Variants in MACROD2 observed in about 807,000 individuals in gnomAD.
MACROD2 encodes the protein ADP-ribose glycohydrolase MACROD2.
Under a neutral mutation model 70.4 loss-of-function variants are expected in MACROD2, and 36 were observed. That is an observed-to-expected ratio of 0.51 (90% CI 0.39 to 0.68). The LOEUF (loss-of-function observed/expected upper bound fraction) is 0.68. MACROD2 is among the 30% of genes least tolerant of loss of function. The pLI is 0.00. For missense variants in MACROD2, 496 were observed against 538.4 expected, an observed-to-expected ratio of 0.92 and a Z score of 0.78; for synonymous variants, 172 against 178.8, an observed-to-expected ratio of 0.96 and a Z score of 0.30.
At position 14,962,102 on chromosome 20, in the gene MACROD2, C is replaced by T. The variant is rs59489751; in HGVS notation, c.419-267838C>T. On this transcript the variant is annotated intron_variant, in intron 5 of 17. Coordinates refer to ENST00000684519, the MANE Select transcript of MACROD2 (RefSeq NM_001351661.2). ...AAGCAATCCTCCCACGTTGGCCTCCCGAGTAGCCAGGACTACAGGCGTGTG... is the reference window on the plus strand; with the variant it reads ...AAGCAATCCTCCCACGTTGGCCTCCTGAGTAGCCAGGACTACAGGCGTGTG... 4.7e-3 allele frequency among the ~76,000 whole-genome samples: 719 copies of T among 152,230 alleles called. 7 individuals carry two copies. Among genetic ancestry groups the T allele is most frequent in the African/African-American group, 0.016 (682 of 41,518 alleles).
intron 5 of MACROD2, among the ~76,000 whole-genome samples, chr20:14,965,827 G>A (rs2074631689): frequency 6.6e-6 from 1 of 152,004 alleles, no homozygotes; most frequent in Non-Finnish European, 1.5e-5. Context: ...GTATAAAACA[G>A]TGCATTTTAA....
Position 14,898,458 on chromosome 20 carries a change from G to A in MACROD2, c.418+213499G>A, listed in dbSNP as rs143108228. On this transcript the variant is annotated intron_variant, in intron 5 of 17. Transcript: ENST00000684519. ...AACATTTGGAAATAGGCCAGGTGCC[G>A]TGGCTCACGCGTATAATCCCAGCAC... Among the ~76,000 whole-genome samples, 253 of 152,274 alleles carry A rather than the reference G, an allele frequency of 1.7e-3. 3 individuals carry two copies. The highest frequency in any genetic ancestry group is 2.8e-3 in the African/African-American group (115 of 41,542).
At chr20:15,528,966 A>G (rs2047759333) in intron 8 of MACROD2, among the ~76,000 whole-genome samples, 1 of 152,188 alleles carries the variant, frequency 6.6e-6, no homozygotes, top group Non-Finnish European at 1.5e-5. Context: ...ATTAGATAGA[A>G]TTACTGCTCT....
intron 3 of MACROD2, among the ~76,000 whole-genome samples, chr20:14,344,743 G>T (rs2083047089): frequency 6.6e-6 from 1 of 152,102 alleles, no homozygotes; most frequent in Non-Finnish European, 1.5e-5. Context: ...AAAATTGAAG[G>T]TAGACTTGAA....
intron 5 of MACROD2, among the ~76,000 whole-genome samples, chr20:15,165,041 C>A (rs923443776): frequency 4.6e-5 from 7 of 152,022 alleles, no homozygotes; most frequent in Non-Finnish European, 7.4e-5. Flanking sequence ...AAAGTTGTTT[C>A]CTTAGAAATA....
At chr20:14,612,334 A>G (rs1026018106) in intron 4 of MACROD2, among the ~76,000 whole-genome samples, 11 of 152,158 alleles carry the variant, frequency 7.2e-5, no homozygotes, top group African/African-American at 2.7e-4. Context: ...TGGCCAAATT[A>G]GGGAACATTT....
intron 6 of MACROD2, among the ~76,000 whole-genome samples, chr20:15,353,444 CA>C (rs2078250551): frequency 1.3e-5 from 2 of 152,040 alleles, no homozygotes; most frequent in Non-Finnish European, 2.9e-5. Flanking sequence ...TAGGCATGGG[CA>C]AGGACTTCTT....
chr20:14,572,919 G>T (rs147398572), intron 4 of MACROD2, among the ~76,000 whole-genome samples: 3 of 150,794 alleles, frequency 2.0e-5, no homozygotes, highest in Non-Finnish European at 4.4e-5. Context: ...AATATATAAA[G>T]ATATGAATTG....
intron 3 of MACROD2, among the ~76,000 whole-genome samples, chr20:14,238,617 A>G (rs2081899354): frequency 6.6e-6 from 1 of 152,152 alleles, no homozygotes; most frequent in South Asian, 2.1e-4. Flanking sequence ...ATGTCAAACT[A>G]TTCCTTTTTG....
At chr20:14,544,092 C>T (rs2085464181) in intron 4 of MACROD2, among the ~76,000 whole-genome samples, 1 of 152,168 alleles carries the variant, frequency 6.6e-6, no homozygotes, top group Non-Finnish European at 1.5e-5. Flanking sequence ...AAAGCAGACA[C>T]TGACAAACAT....
intron 10 of MACROD2, 38 bp from the exon 11 acceptor site, chr20:15,933,238 C>A (rs1180235102): frequency 6.3e-7 from 1 of 1,598,318 alleles, no homozygotes; most frequent in Non-Finnish European, 8.6e-7. Context: ...CACAAATTGA[C>A]TTGATGCATT....
At position 15,934,667 on chromosome 20, in the gene MACROD2, T is replaced by G. The variant is rs1247381179; in HGVS notation, c.838+1329T>G. 4.0e-5 allele frequency among the ~76,000 whole-genome samples: 6 copies of G among 151,530 alleles called. No individual in the cohort carries two copies. The South Asian group carries it at 6.3e-4, about 16-fold the overall frequency. On this transcript the variant is annotated intron_variant, in intron 11 of 17. Coordinates refer to ENST00000684519, the MANE Select transcript of MACROD2 (RefSeq NM_001351661.2). ...TCACTCACTATCGTGTCCCAAACTG[T>G]TTTTTTTGTTTGTTTTTTGTTTTTT...
At chr20:14,977,961 A>G (rs999662237) in intron 5 of MACROD2, among the ~76,000 whole-genome samples, 6 of 152,190 alleles carry the variant, frequency 3.9e-5, no homozygotes, top group Admixed American at 6.5e-5. Context: ...TTTATTTGGA[A>G]CAAACTTTCA....
intron 3 of MACROD2, among the ~76,000 whole-genome samples, chr20:14,260,926 G>A (rs1311258387): frequency 6.6e-6 from 1 of 152,130 alleles, no homozygotes; most frequent in Admixed American, 6.5e-5. Flanking sequence ...ACAGATTTGT[G>A]GTATTCTTTC....
intron 5 of MACROD2, among the ~76,000 whole-genome samples, chr20:15,099,657 A>T (rs1476933076): frequency 6.6e-6 from 1 of 152,182 alleles, no homozygotes; most frequent in Non-Finnish European, 1.5e-5. Flanking sequence ...ACACCTAAAA[A>T]TATGGAAGTG....
chr20:16,038,852 G>A (rs781262424), intron 15 of MACROD2, among the ~76,000 whole-genome samples: 1 of 151,848 alleles, frequency 6.6e-6, no homozygotes, highest in African/African-American at 2.4e-5. Context: ...ATTTACTTTT[G>A]CTTCTGACAG....
intron 5 of MACROD2, among the ~76,000 whole-genome samples, chr20:14,986,774 A>G (rs535420438): frequency 5.0e-4 from 76 of 152,292 alleles, no homozygotes; most frequent in African/African-American, 1.3e-3. Flanking sequence ...TCTCTGCCGG[A>G]TGTTTCAGGT....
chr20:15,060,078 A>G lies in MACROD2; in HGVS notation c.419-169862A>G, dbSNP rs531857156. 2.4e-4 allele frequency among the ~76,000 whole-genome samples: 37 copies of G among 152,334 alleles called. 1 individual carries two copies. The East Asian group carries it at 6.9e-3, about 29-fold the overall frequency. ...GGAAAAGGCTAACACATGCATATAC[A>G]AAATGCCATTTGATAGCATTCGTGT... On this transcript the variant is annotated intron_variant, in intron 5 of 17. Coordinates refer to ENST00000684519, the MANE Select transcript of MACROD2 (RefSeq NM_001351661.2).
intron 15 of MACROD2, among the ~76,000 whole-genome samples, chr20:16,003,078 CCACCCA>C (rs58504045): frequency 0.07 from 9,137 of 129,808 alleles, 394 homozygotes; most frequent in East Asian, 0.22. Context: ...ACCCACCCAC[CCACCCA>C]CACACACACA....
Sources: allele counts gnomAD v4.1 joint callset (sites outside exome capture counted in the v4.1 genomes callset), GRCh38; gene constraint gnomAD v4.1.1; transcripts MANE v1.5; gene names NCBI Gene and HGNC (gene_info 2026-07-23, HGNC 2026-07-21).